The following MCTP1 variants were observed in gnomAD, a reference collection of about 807,000 sequenced individuals.
The protein encoded by MCTP1 is multiple C2 and transmembrane domain-containing protein 1.
MCTP1 carries 69 observed loss-of-function variants against 120.6 expected under a neutral mutation model. The observed-to-expected ratio is 0.57, with a 90% CI of 0.47 to 0.70. MCTP1 has a LOEUF of 0.70. Ranked by LOEUF, MCTP1 falls within the 30% of genes least tolerant of loss-of-function variation. MCTP1 has a pLI of 0.00. For synonymous variants in MCTP1, 529 were observed against 493.1 expected (o/e 1.07, Z -0.96); for missense variants, 1,203 against 1,248.8 (o/e 0.96, Z 0.55).
In MCTP1 at chr5:94,707,156, T is replaced by TG. The variant is rs1754825222; in HGVS notation, c.*339_*340insC. Reference sequence around the variant, plus strand: ...TCGACATTTACAATTGATGTAGATTTAATCAGAGCACAGGTGAGTATTTAA... The same window carrying TG: ...TCGACATTTACAATTGATGTAGATTTGAATCAGAGCACAGGTGAGTATTTAA... On this transcript the variant is annotated 3_prime_UTR_variant, in exon 23 of 23. Coordinates refer to ENST00000515393, the MANE Select transcript of MCTP1 (RefSeq NM_024717.7). 5.8e-6 allele frequency: 1 copy of TG among 173,032 alleles called. No individual in the cohort carries two copies. The highest frequency in any genetic ancestry group is 1.5e-4 in the East Asian group (1 of 6,560). 10.7% of individuals were successfully genotyped at this position (173,032 alleles called of 1,614,324 possible).
At chr5:95,182,239 C>G (rs182907302) in intron 1 of MCTP1, among the ~76,000 whole-genome samples, 19 of 152,186 alleles carry the variant, frequency 1.2e-4, no homozygotes, top group Admixed American at 3.3e-4. Flanking sequence ...AAAACTTCCC[C>G]TTAAAGGAAT....
At chr5:94,729,875 A>T (rs913145184) in intron 19 of MCTP1, among the ~76,000 whole-genome samples, 3 of 152,212 alleles carry the variant, frequency 2.0e-5, no homozygotes, top group Non-Finnish European at 4.4e-5. Context: ...TTTTAAACAG[A>T]GGAAGAACAT....
At chr5:94,716,577 TA>T (rs1206647380) in intron 19 of MCTP1, among the ~76,000 whole-genome samples, 2 of 152,108 alleles carry the variant, frequency 1.3e-5, no homozygotes, top group Non-Finnish European at 2.9e-5. Context: ...AAAGTACTCA[TA>T]AATATTTAAC....
intron 18 of MCTP1, among the ~76,000 whole-genome samples, chr5:94,795,432 G>T (rs947300029): frequency 6.6e-6 from 1 of 152,154 alleles, no homozygotes; most frequent in East Asian, 1.9e-4. Flanking sequence ...CAAAGTAAAA[G>T]CCATTTCCTG....
chr5:94,876,449 T>G (rs1798892666), intron 12 of MCTP1, among the ~76,000 whole-genome samples: 1 of 152,128 alleles, frequency 6.6e-6, no homozygotes, highest in Admixed American at 6.6e-5. Context: ...TGTAATGTTT[T>G]TATTCAATAC....
chr5:95,136,329 T>C (rs528085093), intron 1 of MCTP1, among the ~76,000 whole-genome samples: 1 of 152,334 alleles, frequency 6.6e-6, no homozygotes, highest in African/African-American at 2.4e-5. Context: ...TTGTTATCCT[T>C]TGGGCTGGTC....
At chr5:95,222,354 T>C (rs547745497) in intron 1 of MCTP1, among the ~76,000 whole-genome samples, 1 of 152,334 alleles carries the variant, frequency 6.6e-6, no homozygotes, top group African/African-American at 2.4e-5. Flanking sequence ...GTTATATCTA[T>C]ACTGAATTAA....
rs538985222 is a variant in MCTP1 at position 95,142,009 on chromosome 5, C to A, written c.721-124525G>T. The stretch of plus-strand genomic sequence containing the variant: ...GCTTAAAAATGTTTTTCAAGAAGAG[C>A]TACTACAAATGAAAGGAGATAAAAC... On this transcript the variant is annotated intron_variant, in intron 1 of 22. Transcript: ENST00000515393. Among the ~76,000 whole-genome samples, 132 of 152,232 alleles carry A rather than the reference C, an allele frequency of 8.7e-4. 1 individual carries two copies. The highest frequency in any genetic ancestry group is 3.0e-3 in the African/African-American group (123 of 41,550).
intron 1 of MCTP1, among the ~76,000 whole-genome samples, chr5:95,167,980 T>C (rs951598912): frequency 6.6e-6 from 1 of 152,228 alleles, no homozygotes; most frequent in Admixed American, 6.5e-5. Flanking sequence ...CATGCCTATG[T>C]CCTGAATGGT....
chr5:95,267,705 G>A (rs549382331), intron 1 of MCTP1, among the ~76,000 whole-genome samples: 3 of 152,202 alleles, frequency 2.0e-5, no homozygotes, highest in Non-Finnish European at 4.4e-5. Flanking sequence ...TCCTGAAGAT[G>A]GTTCTTCCCT....
chr5:95,079,246 T>G (rs559565630), intron 1 of MCTP1, among the ~76,000 whole-genome samples: 7 of 152,180 alleles, frequency 4.6e-5, no homozygotes, highest in Non-Finnish European at 1.0e-4. Flanking sequence ...TACCTTAATG[T>G]TCACAGGATC....
At chr5:95,256,724 A>T (rs1757931757) in intron 1 of MCTP1, among the ~76,000 whole-genome samples, 1 of 151,962 alleles carries the variant, frequency 6.6e-6, no homozygotes, top group African/African-American at 2.4e-5. Context: ...AAATGCAGCT[A>T]AAAAAAAGAG....
At chr5:94,917,782 T>C (rs1306574809) in intron 8 of MCTP1, 114 bp downstream of exon 8, 1 of 672,024 alleles carries the variant, frequency 1.5e-6, no homozygotes, top group African/African-American at 1.8e-5. Flanking sequence ...CCTTTTCATA[T>C]CTACAAAATA....
chr5:94,848,052 G>C (rs928415017), intron 17 of MCTP1, among the ~76,000 whole-genome samples: 22 of 152,004 alleles, frequency 1.4e-4, no homozygotes, highest in Admixed American at 1.2e-3. Context: ...GGAGAGGAGG[G>C]CTGACAGATG....
rs768028161 is a variant in MCTP1 at position 94,786,949 on chromosome 5, CTTGA to C, written c.2557-7790_2557-7787del. Among the ~76,000 whole-genome samples, 95 of 152,236 alleles carry C rather than the reference CTTGA, an allele frequency of 6.2e-4. 1 individual carries two copies. The East Asian group carries it at 9.7e-3, about 15-fold the overall frequency. On this transcript the variant is annotated intron_variant, in intron 18 of 22. Coordinates refer to ENST00000515393, the MANE Select transcript of MCTP1 (RefSeq NM_024717.7). ...AGGCTTGATTAATAAAATTTAAATG[CTTGA>C]TTAAGTTGACATTTTCATGTTCCAT... is the stretch of plus-strand genomic sequence containing the variant.
chr5:95,116,590 A>G (rs938585908), intron 1 of MCTP1, among the ~76,000 whole-genome samples: 1 of 152,014 alleles, frequency 6.6e-6, no homozygotes, highest in African/African-American at 2.4e-5. Flanking sequence ...ATGGTAGTTT[A>G]ATGGGAATAG....
intron 1 of MCTP1, among the ~76,000 whole-genome samples, chr5:95,103,863 G>A (rs1359040859): frequency 6.6e-6 from 1 of 152,162 alleles, no homozygotes; most frequent in Non-Finnish European, 1.5e-5. Context: ...ATGGCTTGAA[G>A]TTCAAATTGT....
At position 94,976,178 on chromosome 5, in the gene MCTP1, G is replaced by A. The variant is rs578112375; in HGVS notation, c.839-22817C>T. Among the ~76,000 whole-genome samples the A allele has an allele frequency of 3.2e-4, 49 of 152,256 alleles. No individual in the cohort carries two copies. In the South Asian group the frequency reaches 0.01, roughly 32 times the overall value. ...TGTGCTACCACTTCTACAACAGTAA[G>A]CATTTGCCATTTCTACTTCCCCAAG... is the stretch of plus-strand genomic sequence containing the variant. On this transcript the variant is annotated intron_variant, in intron 2 of 22. Transcript: ENST00000515393.
intron 1 of MCTP1, among the ~76,000 whole-genome samples, chr5:95,063,356 T>C (rs1749760191): frequency 1.3e-5 from 2 of 152,198 alleles, no homozygotes; most frequent in South Asian, 4.1e-4. Flanking sequence ...TATGTCTCTC[T>C]CCTGTGAAAT....
Sources: gnomAD v4.1 joint callset for allele counts (sites outside exome capture counted in the v4.1 genomes callset) on GRCh38, gnomAD v4.1.1 for gene constraint, MANE v1.5 for transcripts, NCBI Gene and HGNC (gene_info 2026-07-23, HGNC 2026-07-21) for gene names.